The following MIB1 variants were observed in gnomAD, a reference collection of about 807,000 sequenced individuals.
MIB1 encodes E3 ubiquitin-protein ligase MIB1.
Under a neutral mutation model 124.5 loss-of-function variants are expected in MIB1, and 278 were observed. That is an observed-to-expected ratio of 2.23 (90% CI 2.02 to 2.47). The LOEUF (loss-of-function observed/expected upper bound fraction) is 2.47. MIB1 is among the 30% of genes most tolerant of loss of function. The pLI is 0.00. For synonymous variants in MIB1, 446 were observed against 429.4 expected (o/e 1.04, Z -0.48); for missense variants, 957 against 1,254.4 (o/e 0.76, Z 3.58).
chr18:21,706,527 G>C (rs958955194), intron 1 of MIB1, among the ~76,000 whole-genome samples: 1 of 152,198 alleles, frequency 6.6e-6, no homozygotes, highest in Non-Finnish European at 1.5e-5. Context: ...AGAGGCGTGG[G>C]CGGGAACCGG....
intron 12 of MIB1, chr18:21,827,455 G>A (rs2041936120): frequency 1.3e-5 from 2 of 152,160 alleles, no homozygotes; most frequent in South Asian, 4.1e-4. Context: ...CCTATAGAAT[G>A]ACCAATATAA....
upstream of MIB1, among the ~76,000 whole-genome samples, chr18:21,739,807 C>G (rs2040821960): frequency 6.6e-6 from 1 of 151,886 alleles, no homozygotes; most frequent in South Asian, 2.1e-4. Context: ...CCCAGCTACT[C>G]AGAAGGCTGA....
At chr18:21,763,977 C>T (rs1056084847) in intron 1 of MIB1, among the ~76,000 whole-genome samples, 9 of 151,646 alleles carry the variant, frequency 5.9e-5, no homozygotes, top group East Asian at 5.8e-4. Flanking sequence ...GTTGCCCAGA[C>T]TGGAGTGCAG....
At chr18:21,776,427 C>A (rs3017039) in intron 4 of MIB1, among the ~76,000 whole-genome samples, 10,386 of 152,142 alleles carry the variant, frequency 0.068, 756 homozygotes, top group African/African-American at 0.18. Context: ...ACATGTGCAT[C>A]TGTATTAGAG....
In MIB1 at chr18:21,870,171, TATA is replaced by T. The variant is rs1328407230; in HGVS notation, c.*5508_*5510del. ...TAATAAAACCTATGGTGTAATATCA[TATA>T]ATGCTTTTCTTTGATCTTTGGAGAA... On this transcript the variant is annotated 3_prime_UTR_variant, in exon 21 of 21. Coordinates refer to ENST00000261537, the MANE Select transcript of MIB1 (RefSeq NM_020774.4). 6.6e-6 allele frequency: 1 copy of T among 152,596 alleles called. No individual in the cohort carries two copies. Among genetic ancestry groups the T allele is most frequent in the Non-Finnish European group, 1.5e-5 (1 of 67,988 alleles). The allele number at this position is 152,596 out of a possible 1,614,324, so 9.5% of individuals were successfully genotyped here.
intron 1 of MIB1, among the ~76,000 whole-genome samples, chr18:21,748,067 A>G (rs552658531): frequency 1.3e-5 from 2 of 152,272 alleles, no homozygotes; most frequent in African/African-American, 4.8e-5. Flanking sequence ...ATAAAAGGAA[A>G]CTCAGATTCA....
chr18:21,793,288 A>G (rs1357163793), intron 7 of MIB1, among the ~76,000 whole-genome samples: 3 of 152,222 alleles, frequency 2.0e-5, no homozygotes, highest in Non-Finnish European at 4.4e-5. Context: ...AAAACTAACC[A>G]GCCAAAGCTC....
rs2041614851 is a variant in MIB1, at chr18:21,798,719, AT to A, written c.1237+492del. Among the ~76,000 whole-genome samples the A allele has an allele frequency of 3.9e-5, 6 of 152,168 alleles. No individual in the cohort carries two copies. The South Asian group carries it at 1.2e-3, about 31-fold the overall frequency. ...ATACATGCTACCGTGACTAGAAACT[AT>A]GCTAAAATGTGAACATCCTGGATGC... is the stretch of plus-strand genomic sequence containing the variant. On this transcript the variant is annotated intron_variant, in intron 8 of 20. Transcript: ENST00000261537.
chr18:21,844,777 T>C (rs1331761465), intron 15 of MIB1, among the ~76,000 whole-genome samples: 1 of 152,114 alleles, frequency 6.6e-6, no homozygotes, highest in Non-Finnish European at 1.5e-5. Flanking sequence ...CGTAGTGGTA[T>C]CTTATTGTGG....
chr18:21,787,469 A>C (rs2041449449), intron 6 of MIB1, among the ~76,000 whole-genome samples: 1 of 152,106 alleles, frequency 6.6e-6, no homozygotes, highest in Admixed American at 6.5e-5. Context: ...GCAGGTACTC[A>C]TAAGGCTTCC....
At chr18:21,843,282 C>A in intron 14 of MIB1, 65 bp downstream of exon 14, 2 of 1,140,980 alleles carry the variant, frequency 1.8e-6, no homozygotes, top group African/African-American at 1.6e-5. Context: ...TTAGAACTTC[C>A]TGAAAATTGA....
At position 21,868,061 on chromosome 18, in the gene MIB1, T is replaced by C. The variant is rs891374930; in HGVS notation, c.*3395T>C. On this transcript the variant is annotated 3_prime_UTR_variant, in exon 21 of 21. Transcript: ENST00000261537. The stretch of plus-strand genomic sequence containing the variant: ...ACTTATCCTATCAGAATGTCTACCA[T>C]GTTTTATAGTAATAATTTGTGTAAA... 1 of 152,068 alleles carries C rather than the reference T, an allele frequency of 6.6e-6. No individual in the cohort carries two copies. Among genetic ancestry groups the C allele is most frequent in the Non-Finnish European group, 1.5e-5 (1 of 67,936 alleles). 9.4% of individuals were successfully genotyped at this position (152,068 alleles called of 1,614,324 possible). A position where few individuals can be genotyped will look rare whatever the true frequency, so the allele number is the denominator to read the frequency against.
rs546789316 is a variant in MIB1, at chr18:21,825,496, T to G, written c.1829+5850T>G. The stretch of plus-strand genomic sequence containing the variant: ...TACCAAGAGACCATAATAAGTAAAA[T>G]TTTTATTTGAAATCCTTAAGTCATC... On this transcript the variant is annotated intron_variant, in intron 12 of 20. Coordinates refer to ENST00000261537, the MANE Select transcript of MIB1 (RefSeq NM_020774.4). 4.3e-5 allele frequency: 12 copies of G among 282,344 alleles called. No individual in the cohort carries two copies. The Admixed American group carries it at 5.2e-4, about 12-fold the overall frequency. The allele number at this position is 282,344 out of a possible 1,614,324, so 17.5% of individuals were successfully genotyped here.
chr18:21,870,692 C>G lies in MIB1; in HGVS notation c.*6026C>G, dbSNP rs1270580537. The G allele has an allele frequency of 6.6e-6, 1 of 152,010 alleles. No homozygotes were observed. The allele number at this position is 152,010 out of a possible 1,614,324, so 9.4% of individuals were successfully genotyped here. A position where few individuals can be genotyped will look rare whatever the true frequency, so the allele number is the denominator to read the frequency against. ...TCCATGTTAATATAAGCACTTATTT[C>G]TGAAGTTATTGAGAGGTCATCTAGC... On this transcript the variant is annotated 3_prime_UTR_variant, in exon 21 of 21. Transcript: ENST00000261537.
At chr18:21,808,617 C>T (rs1203452940) in intron 10 of MIB1, among the ~76,000 whole-genome samples, 2 of 152,012 alleles carry the variant, frequency 1.3e-5, no homozygotes, top group Admixed American at 1.3e-4. Context: ...CTTAGGGAAA[C>T]CTCAAAGAGC....
chr18:21,847,002 GT>G lies in MIB1; in HGVS notation c.2273del (p.Phe758SerfsTer9). The G allele has an allele frequency of 6.2e-7, 1 of 1,614,182 alleles. No homozygotes were observed. ...AAGAAGAGTGCAGCATCTATTGCCT[GT>G]TTCTTGGCAGCCAATGGTGCTGACC... ...AEKKSAASIA[C>X]FLAANGADLS... On this transcript the variant is annotated frameshift_variant, in exon 16 of 21. Transcript: ENST00000261537. LOFTEE classifies it high-confidence loss of function.
chr18:21,740,153 A>T (rs532778359), upstream of MIB1, among the ~76,000 whole-genome samples: 23 of 152,226 alleles, frequency 1.5e-4, no homozygotes, highest in Non-Finnish European at 2.6e-4. Flanking sequence ...AACCCTATGC[A>T]GCATAATGTC....
At chr18:21,808,702 C>T (rs559800606) in intron 10 of MIB1, among the ~76,000 whole-genome samples, 4 of 152,084 alleles carry the variant, frequency 2.6e-5, no homozygotes, top group East Asian at 1.9e-4. Flanking sequence ...TCTTCTTTAA[C>T]GTATAGGTAA....
chr18:21,714,183 C>T (rs967474123), intron 1 of MIB1, among the ~76,000 whole-genome samples: 4 of 152,162 alleles, frequency 2.6e-5, no homozygotes, highest in Middle Eastern at 3.2e-3. Flanking sequence ...GCCAAATCGC[C>T]CAAAGCCATC....
Sources: allele counts gnomAD v4.1 joint callset (sites outside exome capture counted in the v4.1 genomes callset), GRCh38; gene constraint gnomAD v4.1.1; transcripts MANE v1.5; gene names NCBI Gene and HGNC (gene_info 2026-07-23, HGNC 2026-07-21).